S100A16: variants seen among roughly 807,000 people sequenced by gnomAD.
The protein encoded by S100A16 is protein S100-A16.
S100A16 carries 8 observed loss-of-function variants against 9.0 expected under a neutral mutation model. That is an observed-to-expected ratio of 0.89 (90% CI 0.52 to 1.60). The LOEUF (loss-of-function observed/expected upper bound fraction) is 1.60, where lower values mean the gene tolerates loss of function less well. S100A16 is among the 40% of genes most tolerant of loss of function. The probability of loss-of-function intolerance (pLI) is 0.00; values close to 1 mark genes in which losing one functional copy is unlikely to be tolerated. For missense variants in S100A16, 138 were observed against 132.4 expected (o/e 1.04, Z -0.21); for synonymous variants, 51 against 51.4 (o/e 0.99, Z 0.04).
At chr1:153,610,868 G>C (rs1034440347) in intron 1 of S100A16, among the ~76,000 whole-genome samples, 1 of 144,416 alleles carries the variant, frequency 6.9e-6, no homozygotes, top group Non-Finnish European at 1.5e-5. Context: ...GCCAGGCCCC[G>C]GGTCTCCTGG....
rs570662476 is a variant in S100A16 at position 153,609,444 on chromosome 1, G to A, written c.-26-1267C>T. The A allele has an allele frequency of 1.8e-5, 15 of 814,544 alleles. No individual in the cohort carries two copies. The Admixed American group carries it at 3.1e-4, about 17-fold the overall frequency. 50.5% of individuals were successfully genotyped at this position (814,544 alleles called of 1,614,324 possible). A position where few individuals can be genotyped will look rare whatever the true frequency, so the allele number is the denominator to read the frequency against. On this transcript the variant is annotated intron_variant, in intron 1 of 2. Coordinates refer to ENST00000368706, the MANE Select transcript of S100A16 (RefSeq NM_080388.3). ...AAGCCTGCCTTGACCCCTGCACTGG[G>A]TGCCATCCTCCCTGACTCCCACAGA... is the stretch of plus-strand genomic sequence containing the variant.
At position 153,613,043 on chromosome 1, in the gene S100A16, C is replaced by G. The variant is rs931551604; in HGVS notation, c.-118G>C. 2 of 152,542 alleles carry G rather than the reference C, an allele frequency of 1.3e-5. No individual in the cohort carries two copies. The highest frequency in any genetic ancestry group is 1.3e-4 in the Admixed American group (2 of 15,284). The allele number at this position is 152,542 out of a possible 1,614,324, so 9.4% of individuals were successfully genotyped here. On this transcript the variant is annotated 5_prime_UTR_variant, in exon 1 of 3. Coordinates refer to ENST00000368706, the MANE Select transcript of S100A16 (RefSeq NM_080388.3). ...CTCCCTGCGCTCAGCCCAGCCGGGA[C>G]TCCTCCCCGCTGCACTCCCAGAATC...
At chr1:153,610,852 C>T (rs1193665799) in intron 1 of S100A16, among the ~76,000 whole-genome samples, 5 of 151,782 alleles carry the variant, frequency 3.3e-5, no homozygotes, top group African/African-American at 7.3e-5. Context: ...CCCCATTCCC[C>T]CACCAGCCAG....
rs1378503308 is a variant in S100A16 at position 153,608,056 on chromosome 1, C to G, written c.96G>C (p.Lys32Asn). ...YVSKYSLVKN[K>N]ISKSSFREML... ...TCTCGCGGAAGCTGCTCTTGCTGAT[C>G]TTGTTCTTGACCAGGCTGTACTTAG... The change falls in exon 2 of 3, where the codon AAG becomes AAC. Residue 32 changes from lysine to asparagine, a missense_variant. Transcript: ENST00000368706. 1 of 1,614,104 alleles carries G rather than the reference C, an allele frequency of 6.2e-7. No homozygotes were observed. Among genetic ancestry groups the G allele is most frequent in the East Asian group, 2.2e-5 (1 of 44,878 alleles).
Position 153,606,964 on chromosome 1 carries a change from A to G in S100A16, c.*570T>C, listed in dbSNP as rs1666702661. On this transcript the variant is annotated 3_prime_UTR_variant, in exon 3 of 3. Coordinates refer to ENST00000368706, the MANE Select transcript of S100A16 (RefSeq NM_080388.3). ...AAACTCCAAATCCAGCCTTTATATCATCATTATTTCAAGCAACAGGAGGAG... is the reference window on the plus strand; with the variant it reads ...AAACTCCAAATCCAGCCTTTATATCGTCATTATTTCAAGCAACAGGAGGAG... 3 of 245,816 alleles carry G rather than the reference A, an allele frequency of 1.2e-5. No individual in the cohort carries two copies. Among genetic ancestry groups the G allele is most frequent in the African/African-American group, 2.3e-5 (1 of 43,874 alleles). The allele number at this position is 245,816 out of a possible 1,614,324, so 15.2% of individuals were successfully genotyped here.
chr1:153,610,740 G>T (rs1235072472), intron 1 of S100A16, among the ~76,000 whole-genome samples: 5 of 152,114 alleles, frequency 3.3e-5, no homozygotes, highest in Non-Finnish European at 5.9e-5. Context: ...AGGGTAGCAG[G>T]CAGGCAGGGA....
intron 1 of S100A16, among the ~76,000 whole-genome samples, chr1:153,610,308 C>T (rs1284273610): frequency 1.3e-5 from 2 of 152,208 alleles, no homozygotes; most frequent in African/African-American, 2.4e-5. Flanking sequence ...CATCCCAATC[C>T]TTGTTCCCTA....
rs149912544 is a variant in S100A16, at chr1:153,608,219, G to A, written c.-26-42C>T. On this transcript the variant is annotated intron_variant, in intron 1 of 2. Transcript: ENST00000368706. ...GGGGAGATGAGAAGAGACACCCACA[G>A]GCCATACCTCCTCCTCCTCCACACC... 7.4e-4 allele frequency: 1,155 copies of A among 1,563,950 alleles called. 2 individuals are homozygous for A. The highest frequency in any genetic ancestry group is 8.5e-4 in the Non-Finnish European group (978 of 1,149,010).
Position 153,607,098 on chromosome 1 carries a change from C to T in S100A16, c.*436G>A. The T allele has an allele frequency of 2.3e-6, 1 of 440,144 alleles. No individual in the cohort carries two copies. The highest frequency in any genetic ancestry group is 4.5e-6 in the Non-Finnish European group (1 of 220,152). The allele number at this position is 440,144 out of a possible 1,614,324, so 27.3% of individuals were successfully genotyped here. On this transcript the variant is annotated 3_prime_UTR_variant, in exon 3 of 3. Transcript: ENST00000368706. ...CTAAGGGAAAGTGGAGAGGTCTCTG[C>T]TGCTGCTGCTGCTGCTGCTGCTGCT...
intron 2 of S100A16, 50 bp downstream of exon 2, chr1:153,607,948 CA>C: frequency 3.2e-6 from 5 of 1,576,906 alleles, no homozygotes; most frequent in Non-Finnish European, 4.3e-6. Flanking sequence ...CAGAGGCTTG[CA>C]GGGGAGGGAA....
At position 153,607,388 on chromosome 1, in the gene S100A16, C is replaced by A. The variant is rs115917975; in HGVS notation, c.*146G>T. Reference sequence around the variant, plus strand: ...CTAGACTGAGACACTCACAAAGGGACCCCAGTTCAGCAAGGGTCAGAGGAA... The same window carrying A: ...CTAGACTGAGACACTCACAAAGGGAACCCAGTTCAGCAAGGGTCAGAGGAA... On this transcript the variant is annotated 3_prime_UTR_variant, in exon 3 of 3. Coordinates refer to ENST00000368706, the MANE Select transcript of S100A16 (RefSeq NM_080388.3). 284 of 906,764 alleles carry A rather than the reference C, an allele frequency of 3.1e-4. 1 individual carries two copies. In the African/African-American group the frequency reaches 4.4e-3, roughly 14 times the overall value. 56.2% of individuals were successfully genotyped at this position (906,764 alleles called of 1,614,324 possible).
chr1:153,608,481 C>G (rs1282489303), intron 1 of S100A16, among the ~76,000 whole-genome samples: 2 of 152,186 alleles, frequency 1.3e-5, no homozygotes, highest in African/African-American at 4.8e-5. Context: ...CAGAGCCCTA[C>G]GGGGCAAGAG....
At chr1:153,610,646 C>T (rs1004909327) in intron 1 of S100A16, among the ~76,000 whole-genome samples, 4 of 152,234 alleles carry the variant, frequency 2.6e-5, no homozygotes, top group African/African-American at 4.8e-5. Flanking sequence ...GGAATCCACC[C>T]GCTCCCCACC....
intron 2 of S100A16, 84 bp downstream of exon 2, chr1:153,607,915 C>T: frequency 1.4e-6 from 2 of 1,412,538 alleles, no homozygotes; most frequent in South Asian, 2.5e-5. Context: ...GAGGCCTCAG[C>T]AGGGAAAGAC....
chr1:153,609,495 G>C (rs962674451), intron 1 of S100A16: 11 of 371,588 alleles, frequency 3.0e-5, no homozygotes, highest in Non-Finnish European at 3.3e-5. Flanking sequence ...CACTCAGCTA[G>C]CACTGGCTGG....
rs759684417 is a variant in S100A16, at chr1:153,608,155, C to A, written c.-4G>T. 2 of 1,613,152 alleles carry A rather than the reference C, an allele frequency of 1.2e-6. No homozygotes were observed. The highest frequency in any genetic ancestry group is 1.7e-6 in the Non-Finnish European group (2 of 1,179,872). ...GCTCCGTGTAGCAGTCTGACATCTCCCTGCTTCGCCTGCTGGCGGGGCCTG... is the reference window on the plus strand; with the variant it reads ...GCTCCGTGTAGCAGTCTGACATCTCACTGCTTCGCCTGCTGGCGGGGCCTG... On this transcript the variant is annotated 5_prime_UTR_variant, in exon 2 of 3. Transcript: ENST00000368706.
chr1:153,611,917 T>TCTCACACACACACACA (rs745663701), intron 1 of S100A16, among the ~76,000 whole-genome samples: 3 of 140,792 alleles, frequency 2.1e-5, no homozygotes, highest in African/African-American at 7.9e-5. Flanking sequence ...TGTCTCTCTC[T>TCTCACACACACACACA]CACACACACA....
At chr1:153,607,716 A>G (rs775157735) in intron 2 of S100A16, 24 bp from the exon 3 acceptor site, 7 of 1,613,946 alleles carry the variant, frequency 4.3e-6, no homozygotes, top group East Asian at 4.5e-5. Flanking sequence ...AGGGTCAGCA[A>G]TGCTGATGGT....
At chr1:153,608,828 C>G (rs759556893) in intron 1 of S100A16, 6 of 719,468 alleles carry the variant, frequency 8.3e-6, no homozygotes, top group Admixed American at 6.3e-5. Flanking sequence ...ACCCTGCTAG[C>G]CTCTCCTCCC....
Sources: allele counts gnomAD v4.1 joint callset (sites outside exome capture counted in the v4.1 genomes callset), GRCh38; gene constraint gnomAD v4.1.1; transcripts MANE v1.5; gene names NCBI Gene and HGNC (gene_info 2026-07-23, HGNC 2026-07-21).